Variants in TDRD9 observed in about 807,000 individuals in gnomAD.
TDRD9 encodes the protein tudor domain containing 9, also known as ATP-dependent RNA helicase TDRD9.
TDRD9 carries 124 observed loss-of-function variants against 172.6 expected under a neutral mutation model. That is an observed-to-expected ratio of 0.72 (90% confidence interval 0.62 to 0.83). The LOEUF is 0.83. Ranked by LOEUF, TDRD9 falls within the 40% of genes least tolerant of loss-of-function variation. TDRD9 has a pLI of 0.00. For missense variants in TDRD9, 1,479 were observed against 1,714.1 expected (o/e 0.86, Z 2.42); for synonymous variants, 619 against 617.1 (o/e 1.00, Z -0.05).
At chr14:104,030,919 GTATACA>G (rs2035262491) in intron 28 of TDRD9, among the ~76,000 whole-genome samples, 183 bp from the exon 29 acceptor site, 1 of 152,088 alleles carries the variant, frequency 6.6e-6, no homozygotes, top group Non-Finnish European at 1.5e-5. Flanking sequence ...CATGGCACAT[GTATACA>G]TATGTAACTA....
At chr14:103,936,047 A>G (rs2030742363) in intron 1 of TDRD9, among the ~76,000 whole-genome samples, 1 of 152,056 alleles carries the variant, frequency 6.6e-6, no homozygotes, top group Non-Finnish European at 1.5e-5. Context: ...GATGTTACCT[A>G]TTTACCATGT....
intron 7 of TDRD9, among the ~76,000 whole-genome samples, chr14:103,978,625 G>T (rs2033350274): frequency 6.6e-6 from 1 of 152,152 alleles, no homozygotes; most frequent in African/African-American, 2.4e-5. Flanking sequence ...TTGACGATTT[G>T]AAGAGTACTG....
chr14:104,045,581 C>G (rs963837692), intron 34 of TDRD9, among the ~76,000 whole-genome samples: 1 of 152,140 alleles, frequency 6.6e-6, no homozygotes, highest in Non-Finnish European at 1.5e-5. Context: ...CCAAAGAACA[C>G]AAATTTTTAA....
At chr14:103,938,430 A>ATTTTTTTTTTTTTT (rs1566723244) in intron 1 of TDRD9, among the ~76,000 whole-genome samples, 1 of 39,930 alleles carries the variant, frequency 2.5e-5, no homozygotes, top group African/African-American at 1.1e-4. Flanking sequence ...ATATATATAT[A>ATTTTTTTTTTTTTT]TATATATATA....
intron 5 of TDRD9, among the ~76,000 whole-genome samples, chr14:103,969,298 A>G (rs1029563856): frequency 1.3e-5 from 2 of 151,694 alleles, no homozygotes; most frequent in Non-Finnish European, 2.9e-5. Flanking sequence ...TGGTGTAGGG[A>G]TCCTGGAGCC....
At chr14:103,960,164 A>G (rs1046815735) in intron 2 of TDRD9, among the ~76,000 whole-genome samples, 4 of 152,250 alleles carry the variant, frequency 2.6e-5, no homozygotes, top group East Asian at 3.8e-4. Flanking sequence ...TTATGGTTAC[A>G]TCAGTAATCC....
intron 30 of TDRD9, among the ~76,000 whole-genome samples, chr14:104,033,677 G>A (rs762485041): frequency 1.3e-5 from 2 of 152,026 alleles, no homozygotes; most frequent in African/African-American, 2.4e-5. Context: ...GTGGAGGTTC[G>A]GGCATCCCCA....
intron 22 of TDRD9, 61 bp from the exon 23 acceptor site, chr14:104,018,031 A>G (rs2034842941): frequency 1.0e-6 from 1 of 978,032 alleles, no homozygotes; most frequent in Admixed American, 2.2e-5. Flanking sequence ...TGAGCTTGTG[A>G]ATGTTGAAAC....
Position 103,991,200 on chromosome 14 carries a change from A to G in TDRD9, c.1156A>G (p.Ser386Gly). The G allele has an allele frequency of 6.2e-7, 1 of 1,614,002 alleles. No individual in the cohort carries two copies. Reference sequence around the variant, plus strand: ...GGGGGCCCAGTTTGTGTTGGAGCGAAGCAGTGTGTTGGTGTTTTTGCCAGG... The same window carrying G: ...GGGGGCCCAGTTTGTGTTGGAGCGAGGCAGTGTGTTGGTGTTTTTGCCAGG... ...WSGAQFVLERSSVLVFLPGLG... is the reference protein window; with the variant it reads ...WSGAQFVLERGSVLVFLPGLG... Residue 386 changes from serine to glycine, a missense_variant, in exon 9 of 36, where the codon AGC becomes GGC. Physicochemically the swap from Ser to Gly is moderately conservative, Grantham distance 56 (BLOSUM62 0). This residue lies in a region of TDRD9 where 1,413 missense variants were observed against 1,649.1 expected (regional missense o/e 0.86). Transcript: ENST00000409874.
chr14:103,939,570 C>G (rs1021485362), intron 1 of TDRD9, among the ~76,000 whole-genome samples: 2 of 150,654 alleles, frequency 1.3e-5, no homozygotes, highest in African/African-American at 4.9e-5. Flanking sequence ...CTGTTAAACC[C>G]TGATCAGGTG....
intron 13 of TDRD9, among the ~76,000 whole-genome samples, chr14:103,999,195 CAG>C (rs2034169382): frequency 6.6e-6 from 1 of 152,198 alleles, no homozygotes. Flanking sequence ...CTCATATTGT[CAG>C]AGTGTCCATT....
At chr14:103,993,830 C>T (rs1053866506) in intron 9 of TDRD9, among the ~76,000 whole-genome samples, 7 of 152,206 alleles carry the variant, frequency 4.6e-5, no homozygotes, top group East Asian at 3.8e-4. Context: ...GACTTCAATA[C>T]GTCTTTTTAG....
At chr14:103,957,745 C>G (rs192847547) in intron 2 of TDRD9, among the ~76,000 whole-genome samples, 2 of 152,332 alleles carry the variant, frequency 1.3e-5, no homozygotes, top group East Asian at 3.9e-4. Flanking sequence ...TGTGATCCTT[C>G]TTGTCACACT....
intron 29 of TDRD9, 141 bp downstream of exon 29, chr14:104,031,404 TATAATA>T (rs949990551): frequency 1.4e-6 from 1 of 693,914 alleles, no homozygotes; most frequent in Non-Finnish European, 2.3e-6. Context: ...TTGATCCTCT[TATAATA>T]ATAAGAAAAA....
At chr14:103,991,343 T>C in intron 9 of TDRD9, 119 bp downstream of exon 9, 2 of 1,029,638 alleles carry the variant, frequency 1.9e-6, no homozygotes, top group Non-Finnish European at 2.9e-6. Flanking sequence ...TTTTTACACT[T>C]TGAGTATGTG....
intron 24 of TDRD9, among the ~76,000 whole-genome samples, chr14:104,022,729 AAAATAAATAAATAAAT>A (rs139166055): frequency 3.4e-4 from 49 of 145,984 alleles, no homozygotes; most frequent in East Asian, 2.8e-3. Flanking sequence ...GCTGTCTTAA[AAAATAAATAAATAAAT>A]AAATAAATAA....
intron 1 of TDRD9, among the ~76,000 whole-genome samples, chr14:103,929,572 TG>T (rs1462364928): frequency 6.8e-6 from 1 of 147,990 alleles, no homozygotes; most frequent in African/African-American, 2.5e-5. Flanking sequence ...CAGGCTGGAG[TG>T]GAGTGGCGCC....
chr14:103,989,446 G>A (rs1374044273), intron 8 of TDRD9, among the ~76,000 whole-genome samples: 1 of 152,212 alleles, frequency 6.6e-6, no homozygotes, highest in African/African-American at 2.4e-5. Flanking sequence ...ACTAAACTGA[G>A]CTCCTTGGCA....
rs1036913701 is a variant in TDRD9, at chr14:104,042,277, GTGACATA to G, written c.3974+92_3974+98del. On this transcript the variant is annotated intron_variant, in intron 34 of 35. Transcript: ENST00000409874. ...GGCTGTTTTGAATTGTGTAGGCAAT[GTGACATA>G]TTGATCACCTGAAGTGGAGTGCCAG... is the stretch of plus-strand genomic sequence containing the variant. 1.1e-4 allele frequency: 99 copies of G among 867,698 alleles called. No individual in the cohort carries two copies. In the Admixed American group the frequency reaches 1.8e-3, roughly 15 times the overall value. 53.7% of individuals were successfully genotyped at this position (867,698 alleles called of 1,614,324 possible).
Sources: allele counts gnomAD v4.1 joint callset (sites outside exome capture counted in the v4.1 genomes callset), GRCh38; gene constraint gnomAD v4.1.1; regional missense constraint gnomAD v4.1.1; transcripts MANE v1.5; gene names NCBI Gene and HGNC (gene_info 2026-07-23, HGNC 2026-07-21).